TRAPPC9: variants seen among roughly 807,000 people sequenced by gnomAD.
TRAPPC9 encodes IKK2 binding protein.
In TRAPPC9, 83 loss-of-function variants were observed where a neutral mutation model predicts 124.0. The ratio of observed to expected loss-of-function variants is 0.67; its 90% confidence interval spans 0.56 to 0.80. TRAPPC9 has a LOEUF of 0.80. Among genes scored for constraint, TRAPPC9 ranks in the 30% least tolerant of loss-of-function variants. The pLI is 0.00. For synonymous variants in TRAPPC9, 638 were observed against 617.5 expected, an observed-to-expected ratio of 1.03 and a Z score of -0.49; for missense variants, 1,302 against 1,508.3, an observed-to-expected ratio of 0.86 and a Z score of 2.27.
At chr8:139,796,540 C>A (rs764942890) in intron 21 of TRAPPC9, among the ~76,000 whole-genome samples, 1 of 152,224 alleles carries the variant, frequency 6.6e-6, no homozygotes, top group Non-Finnish European at 1.5e-5. Context: ...TTTCACTTAG[C>A]ATAATGTTTT....
At chr8:139,964,224 CAAAAAAAAA>C (rs1008397834) in intron 19 of TRAPPC9, among the ~76,000 whole-genome samples, 5 of 67,670 alleles carry the variant, frequency 7.4e-5, no homozygotes, top group African/African-American at 2.7e-4. Context: ...GACTCTGTCT[CAAAAAAAAA>C]AAAAAAAAAA....
intron 21 of TRAPPC9, among the ~76,000 whole-genome samples, chr8:139,738,877 G>A (rs759217585): frequency 1.2e-4 from 19 of 152,050 alleles, no homozygotes; most frequent in Non-Finnish European, 1.8e-4. Flanking sequence ...TCTGAGCCTC[G>A]GTTTCCTCAT....
intron 16 of TRAPPC9, among the ~76,000 whole-genome samples, chr8:140,226,629 A>C (rs989549996): frequency 2.6e-5 from 4 of 151,556 alleles, no homozygotes; most frequent in Non-Finnish European, 4.4e-5. Context: ...AAAAGGAAAA[A>C]AAAAAGAAAA....
In TRAPPC9 at chr8:139,732,847, TGCCAGGCAGG is replaced by T. The variant is rs61685649; in HGVS notation, c.3056-655_3056-646del. On this transcript the variant is annotated intron_variant, in intron 21 of 22. Transcript: ENST00000438773. ...GCACGGTTCTGGGACCCGTGGACCC[TGCCAGGCAGG>T]GAGCTGGTCCTGGGCGAAGGAGCAT... Among the ~76,000 whole-genome samples the T allele has an allele frequency of 8.4e-3, 1,278 of 152,314 alleles. 13 individuals carry two copies. Among genetic ancestry groups the T allele is most frequent in the African/African-American group, 0.029 (1,187 of 41,578 alleles).
At chr8:139,990,697 CT>C (rs1407886761) in intron 18 of TRAPPC9, among the ~76,000 whole-genome samples, 1 of 152,146 alleles carries the variant, frequency 6.6e-6, no homozygotes, top group Non-Finnish European at 1.5e-5. Context: ...AGAGATTCTC[CT>C]GCCTCAGCCT....
chr8:140,187,353 A>C (rs2062375642), intron 17 of TRAPPC9, among the ~76,000 whole-genome samples: 1 of 152,212 alleles, frequency 6.6e-6, no homozygotes, highest in African/African-American at 2.4e-5. Flanking sequence ...CTGGCTGAGC[A>C]TCCCAACTCG....
intron 17 of TRAPPC9, among the ~76,000 whole-genome samples, chr8:140,158,939 G>A (rs897966086): frequency 6.6e-6 from 1 of 152,242 alleles, no homozygotes; most frequent in Admixed American, 6.5e-5. Flanking sequence ...ATGCATGTAT[G>A]TATTCATCCA....
intron 21 of TRAPPC9, among the ~76,000 whole-genome samples, chr8:139,746,903 G>C (rs950626730): frequency 6.6e-6 from 1 of 152,178 alleles, no homozygotes; most frequent in African/African-American, 2.4e-5. Context: ...GAACGCCTTG[G>C]CTCATGGAGA....
At chr8:139,846,125 G>A (rs1009841376) in intron 21 of TRAPPC9, among the ~76,000 whole-genome samples, 8 of 152,258 alleles carry the variant, frequency 5.3e-5, no homozygotes, top group East Asian at 3.8e-4. Context: ...AAGAAACACC[G>A]CTACAGGCTG....
intron 9 of TRAPPC9, among the ~76,000 whole-genome samples, chr8:140,313,958 G>A (rs1247691056): frequency 6.6e-6 from 1 of 152,074 alleles, no homozygotes; most frequent in African/African-American, 2.4e-5. Context: ...CCAGTGCAAA[G>A]GCCCCATCCA....
intron 5 of TRAPPC9, among the ~76,000 whole-genome samples, chr8:140,425,558 CT>C (rs1564015797): frequency 5.8e-4 from 88 of 152,262 alleles, no homozygotes; most frequent in African/African-American, 2.1e-3. Context: ...TTTCTTATAG[CT>C]CTAAGCTACT....
At chr8:140,444,678 T>C (rs1197387219) in intron 2 of TRAPPC9, among the ~76,000 whole-genome samples, 1 of 150,904 alleles carries the variant, frequency 6.6e-6, no homozygotes. Context: ...CTAGCCAACA[T>C]GGTGAGACCC....
rs1400466982 is a variant in TRAPPC9 at position 140,287,602 on chromosome 8, C to G, written c.1981+6G>C. On this transcript the variant is annotated splice_donor_region_variant and intron_variant, in intron 13 of 22. Transcript: ENST00000438773. Reference sequence around the variant, plus strand: ...TGAGCAGGAAGCATGAAGGGACTCTCCTTACCGTTCACAGTAATCGTTCCA... The same window carrying G: ...TGAGCAGGAAGCATGAAGGGACTCTGCTTACCGTTCACAGTAATCGTTCCA... 1 of 1,614,096 alleles carries G rather than the reference C, an allele frequency of 6.2e-7. No individual in the cohort carries two copies. The highest frequency in any genetic ancestry group is 1.7e-5 in the Admixed American group (1 of 60,018).
chr8:140,443,131 CAAAAAAAAAA>C lies in TRAPPC9; in HGVS notation c.585-3944_585-3935del, dbSNP rs1177286944. 1.7e-3 allele frequency among the ~76,000 whole-genome samples: 74 copies of C among 43,982 alleles called. 2 individuals are homozygous for C. The highest frequency in any genetic ancestry group is 2.1e-3 in the Non-Finnish European group (52 of 24,298). 28.9% of individuals were successfully genotyped at this position (43,982 alleles called of 152,430 possible). ...CTGGCAACGGAGCGAGACTCCATCT[CAAAAAAAAAA>C]AAAAAAAAAAAAAGCCAGGCGCGGT... is the stretch of plus-strand genomic sequence containing the variant. On this transcript the variant is annotated intron_variant, in intron 2 of 22. Coordinates refer to ENST00000438773, the MANE Select transcript of TRAPPC9 (RefSeq NM_001160372.4).
At chr8:140,408,373 T>G (rs1321510467) in intron 5 of TRAPPC9, among the ~76,000 whole-genome samples, 1 of 152,056 alleles carries the variant, frequency 6.6e-6, no homozygotes, top group Admixed American at 6.6e-5. Flanking sequence ...AGATAGGTAC[T>G]GAGCTGCTAC....
intron 5 of TRAPPC9, among the ~76,000 whole-genome samples, chr8:140,416,079 G>A (rs1014718225): frequency 9.2e-5 from 14 of 151,826 alleles, no homozygotes; most frequent in African/African-American, 3.1e-4. Context: ...AAATGAAAGG[G>A]GGAATTGAAA....
At position 139,978,647 on chromosome 8, in the gene TRAPPC9, T is replaced by G. The variant is rs185014936; in HGVS notation, c.2810+10079A>C. Among the ~76,000 whole-genome samples, 3 of 150,612 alleles carry G rather than the reference T, an allele frequency of 2.0e-5. No individual in the cohort carries two copies. The East Asian group carries it at 5.8e-4, about 29-fold the overall frequency. On this transcript the variant is annotated intron_variant, in intron 19 of 22. Coordinates refer to ENST00000438773, the MANE Select transcript of TRAPPC9 (RefSeq NM_001160372.4). ...GTCATTATCCGAAGATGGTGCCTTC[T>G]GTGTATGTGTGTGAAATCTCCATAA...
chr8:139,911,455 G>C (rs1164728240), intron 19 of TRAPPC9, among the ~76,000 whole-genome samples: 1 of 152,164 alleles, frequency 6.6e-6, no homozygotes, highest in Non-Finnish European at 1.5e-5. Flanking sequence ...TGTAATCCCA[G>C]CACTTTGGGA....
At chr8:140,283,791 A>T (rs2065399280) in intron 14 of TRAPPC9, 98 bp downstream of exon 14, 1 of 1,337,964 alleles carries the variant, frequency 7.5e-7, no homozygotes, top group Non-Finnish European at 1.1e-6. Flanking sequence ...TCTGGTCATA[A>T]GAATTACAGG....
Sources: gnomAD v4.1 joint callset for allele counts (sites outside exome capture counted in the v4.1 genomes callset) on GRCh38, gnomAD v4.1.1 for gene constraint, MANE v1.5 for transcripts, NCBI Gene and HGNC (gene_info 2026-07-23, HGNC 2026-07-21) for gene names.